The following LRFN5 variants were observed in gnomAD, a reference collection of about 807,000 sequenced individuals.
The protein encoded by LRFN5 is leucine-rich repeat and fibronectin type-III domain-containing protein 5.
A neutral mutation model predicts 45.6 loss-of-function variants in LRFN5; 24 were observed. The observed-to-expected ratio is 0.53, with a 90% confidence interval of 0.38 to 0.74. The LOEUF (loss-of-function observed/expected upper bound fraction) is 0.74. Among genes scored for constraint, LRFN5 ranks in the 30% least tolerant of loss-of-function variants. The pLI is 0.00. For missense variants in LRFN5, 776 were observed against 861.5 expected, an observed-to-expected ratio of 0.90 and a Z score of 1.24; for synonymous variants, 340 against 313.8, an observed-to-expected ratio of 1.08 and a Z score of -0.88.
chr14:41,733,000 A>G (rs1057487362), intron 1 of LRFN5, among the ~76,000 whole-genome samples: 2 of 152,032 alleles, frequency 1.3e-5, no homozygotes, highest in Non-Finnish European at 2.9e-5. Context: ...AGCAAGAATC[A>G]GCAAACTTGA....
intron 2 of LRFN5, among the ~76,000 whole-genome samples, chr14:41,781,506 G>A (rs775672475): frequency 1.3e-4 from 19 of 148,306 alleles, no homozygotes; most frequent in Non-Finnish European, 2.2e-4. Context: ...AAGGAAGGGA[G>A]GGAGGAAGGG....
At chr14:41,734,316 T>TTATATATATATATATATATATATA (rs60855395) in intron 1 of LRFN5, among the ~76,000 whole-genome samples, 841 of 38,592 alleles carry the variant, frequency 0.022, 115 homozygotes, top group Non-Finnish European at 0.036. Flanking sequence ...TGGACTGGTT[T>TTATATATATATATATATATATATA]TATATATATA....
chr14:41,695,360 G>A (rs1046577217), intron 1 of LRFN5, among the ~76,000 whole-genome samples: 7 of 151,842 alleles, frequency 4.6e-5, no homozygotes, highest in African/African-American at 1.7e-4. Context: ...CAGAAGACCT[G>A]GACAAGATAT....
At chr14:41,678,527 C>A (rs1036246761) in intron 1 of LRFN5, among the ~76,000 whole-genome samples, 1 of 152,056 alleles carries the variant, frequency 6.6e-6, no homozygotes, top group African/African-American at 2.4e-5. Context: ...TGAATGATAT[C>A]ATTTGCCCAC....
intron 1 of LRFN5, among the ~76,000 whole-genome samples, chr14:41,696,516 A>T (rs1362668482): frequency 3.2e-5 from 3 of 94,704 alleles, no homozygotes; most frequent in Non-Finnish European, 6.0e-5. Context: ...TTTACCCTTC[A>T]GCAGCTACCT....
intron 1 of LRFN5, among the ~76,000 whole-genome samples, chr14:41,626,294 C>T (rs1293754259): frequency 6.6e-6 from 1 of 151,798 alleles, no homozygotes; most frequent in African/African-American, 2.4e-5. Flanking sequence ...ATGTATGTGC[C>T]AACTAAGATG....
intron 1 of LRFN5, among the ~76,000 whole-genome samples, chr14:41,624,540 A>G (rs900373713): frequency 1.8e-4 from 27 of 152,144 alleles, no homozygotes; most frequent in African/African-American, 6.0e-4. Context: ...ATGATTCTGC[A>G]GGGAATCTGA....
intron 2 of LRFN5, among the ~76,000 whole-genome samples, chr14:41,799,814 T>G (rs1429607331): frequency 6.6e-6 from 1 of 152,028 alleles, no homozygotes; most frequent in Non-Finnish European, 1.5e-5. Flanking sequence ...CATTGTTGTT[T>G]CATCACTTAT....
intron 1 of LRFN5, among the ~76,000 whole-genome samples, chr14:41,698,845 TAATG>T: frequency 6.6e-6 from 1 of 152,250 alleles, no homozygotes; most frequent in Non-Finnish European, 1.5e-5. Flanking sequence ...CAAAATATAA[TAATG>T]GGTGGTAATC....
At chr14:41,874,623 T>C (rs1338959150) in intron 2 of LRFN5, among the ~76,000 whole-genome samples, 2 of 152,220 alleles carry the variant, frequency 1.3e-5, no homozygotes, top group Non-Finnish European at 2.9e-5. Context: ...TTGGCTATCC[T>C]TGTTTTATTG....
chr14:41,656,561 TA>T (rs1408240876), intron 1 of LRFN5, among the ~76,000 whole-genome samples: 1 of 151,786 alleles, frequency 6.6e-6, no homozygotes, highest in South Asian at 2.1e-4. Context: ...GAAGGGAGTA[TA>T]GGGGAGGGGA....
intron 1 of LRFN5, among the ~76,000 whole-genome samples, chr14:41,670,252 CACAGA>C (rs1566612414): frequency 1.1e-5 from 1 of 94,696 alleles, no homozygotes; most frequent in African/African-American, 4.2e-5. Context: ...CACACATACA[CACAGA>C]TATATATATA....
chr14:41,850,767 T>A (rs958041480), intron 2 of LRFN5, among the ~76,000 whole-genome samples: 1 of 151,824 alleles, frequency 6.6e-6, no homozygotes, highest in Non-Finnish European at 1.5e-5. Flanking sequence ...TACATTCCAG[T>A]ACAGTACAAC....
At chr14:41,719,933 A>G (rs1883646426) in intron 1 of LRFN5, among the ~76,000 whole-genome samples, 1 of 151,926 alleles carries the variant, frequency 6.6e-6, no homozygotes, top group Admixed American at 6.6e-5. Context: ...CCATATAGAG[A>G]GGTATAGATA....
chr14:41,891,170 CTG>C, intron 3 of LRFN5, 78 bp from the exon 4 acceptor site: 1 of 1,080,846 alleles, frequency 9.3e-7, no homozygotes, highest in Non-Finnish European at 1.4e-6. Flanking sequence ...TGAAATGACA[CTG>C]AACTAAAGTC....
chr14:41,790,543 T>C (rs1247879286), intron 2 of LRFN5, among the ~76,000 whole-genome samples: 1 of 150,144 alleles, frequency 6.7e-6, no homozygotes, highest in African/African-American at 2.4e-5. Flanking sequence ...TAATATTTGC[T>C]CTTCTTCTTT....
intron 1 of LRFN5, among the ~76,000 whole-genome samples, chr14:41,625,146 C>G (rs1384530464): frequency 2.0e-5 from 3 of 151,896 alleles, no homozygotes; most frequent in Non-Finnish European, 2.9e-5. Flanking sequence ...CAATTATAGC[C>G]TGCTGTTCTT....
chr14:41,654,767 C>A (rs1382627108), intron 1 of LRFN5, among the ~76,000 whole-genome samples: 1 of 151,996 alleles, frequency 6.6e-6, no homozygotes, highest in Non-Finnish European at 1.5e-5. Flanking sequence ...TTTTAAACAG[C>A]AGTCTTATAA....
chr14:41,779,071 T>C lies in LRFN5; in HGVS notation c.-21+12042T>C, dbSNP rs549744013. Among the ~76,000 whole-genome samples the C allele has an allele frequency of 3.3e-5, 5 of 151,884 alleles. No individual in the cohort carries two copies. The South Asian group carries it at 1.0e-3, about 31-fold the overall frequency. On this transcript the variant is annotated intron_variant, in intron 2 of 5. Transcript: ENST00000298119. ...AATGCTGAGAGGGAACATTCTTATA[T>C]TGTTCTTGATTTTAGAGGGAAGGCA...
Sources: gnomAD v4.1 joint callset for allele counts (sites outside exome capture counted in the v4.1 genomes callset) on GRCh38, gnomAD v4.1.1 for gene constraint, MANE v1.5 for transcripts, NCBI Gene and HGNC (gene_info 2026-07-23, HGNC 2026-07-21) for gene names.